Variants in CLASP1 observed in about 807,000 individuals in gnomAD.
CLASP1 encodes cytoplasmic linker associated protein 1.
A neutral mutation model predicts 192.3 loss-of-function variants in CLASP1; 38 were observed. The observed-to-expected ratio is 0.20, with a 90% confidence interval of 0.15 to 0.26. The LOEUF is 0.26. Among genes scored for constraint, CLASP1 ranks in the 10% least tolerant of loss-of-function variants. The pLI is 1.00. For missense variants in CLASP1, 1,433 were observed against 1,932.5 expected (o/e 0.74, Z 4.85); for synonymous variants, 691 against 712.8 (o/e 0.97, Z 0.49).
chr2:121,411,110 T>C, intron 23 of CLASP1, 141 bp from the exon 25 acceptor site: 1 of 594,158 alleles, frequency 1.7e-6, no homozygotes, highest in Non-Finnish European at 2.9e-6. Context: ...TTGACTTGTT[T>C]ACCAGTGGTA....
intron 39 of CLASP1, among the ~76,000 whole-genome samples, chr2:121,342,740 C>A (rs1169256250): frequency 6.6e-6 from 1 of 152,032 alleles, no homozygotes; most frequent in Non-Finnish European, 1.5e-5. Context: ...CAGTTCAAGA[C>A]CAGACTGGCA....
chr2:121,573,783 A>G (rs536410530), intron 2 of CLASP1, among the ~76,000 whole-genome samples: 1 of 152,328 alleles, frequency 6.6e-6, no homozygotes, highest in Admixed American at 6.5e-5. Flanking sequence ...ATTTTTCCTT[A>G]TAACTGCATG....
chr2:121,424,597 A>C (rs892378387), intron 22 of CLASP1, among the ~76,000 whole-genome samples: 1 of 152,224 alleles, frequency 6.6e-6, no homozygotes, highest in Non-Finnish European at 1.5e-5. Context: ...ATTACAAAGA[A>C]ACTAAGTAAC....
chr2:121,451,987 C>T, intron 14 of CLASP1, 138 bp from the exon 15 acceptor site: 3 of 675,544 alleles, frequency 4.4e-6, no homozygotes, highest in Non-Finnish European at 7.6e-6. Context: ...AAAAACAGAA[C>T]ATAAAGAATG....
chr2:121,446,264 T>C (rs2084327045), intron 19 of CLASP1, among the ~76,000 whole-genome samples: 1 of 152,260 alleles, frequency 6.6e-6, no homozygotes, highest in South Asian at 2.1e-4. Context: ...AACCTTTATA[T>C]AATTTCATTT....
At chr2:121,624,683 C>T (rs1446390595) in intron 1 of CLASP1, among the ~76,000 whole-genome samples, 2 of 152,234 alleles carry the variant, frequency 1.3e-5, no homozygotes, top group African/African-American at 2.4e-5. Flanking sequence ...TCCCAAACTG[C>T]TGGGATTACA....
chr2:121,497,407 G>A (rs1397097218), intron 8 of CLASP1, among the ~76,000 whole-genome samples: 1 of 152,124 alleles, frequency 6.6e-6, no homozygotes, highest in Non-Finnish European at 1.5e-5. Context: ...TATAAATTTG[G>A]TTTTAGATAC....
At chr2:121,531,190 C>T (rs1043677563) in intron 2 of CLASP1, among the ~76,000 whole-genome samples, 24 of 152,120 alleles carry the variant, frequency 1.6e-4, no homozygotes, top group Non-Finnish European at 3.5e-4. Flanking sequence ...ACCCCTTTAA[C>T]TTTACGCCGA....
At chr2:121,630,446 A>G (rs2069318906) in intron 1 of CLASP1, among the ~76,000 whole-genome samples, 1 of 151,138 alleles carries the variant, frequency 6.6e-6, no homozygotes, top group African/African-American at 2.4e-5. Flanking sequence ...TTATTCAGTA[A>G]ATCTTCTGTA....
chr2:121,431,589 CATT>C (rs1227510137), intron 19 of CLASP1, among the ~76,000 whole-genome samples: 1 of 152,110 alleles, frequency 6.6e-6, no homozygotes, highest in Admixed American at 6.5e-5. Context: ...TTCTTAAACT[CATT>C]ATAAAATATT....
chr2:121,531,222 C>T (rs765275994), intron 2 of CLASP1, among the ~76,000 whole-genome samples: 1 of 152,158 alleles, frequency 6.6e-6, no homozygotes, highest in African/African-American at 2.4e-5. Context: ...TCTGTAACTT[C>T]CTTATGCTGA....
chr2:121,464,457 C>T (rs1446837253), intron 9 of CLASP1, among the ~76,000 whole-genome samples: 2 of 152,114 alleles, frequency 1.3e-5, no homozygotes, highest in African/African-American at 2.4e-5. Context: ...TTTACAGTCC[C>T]ACCAACAGTG....
chr2:121,394,020 T>C (rs2074842980), intron 30 of CLASP1, among the ~76,000 whole-genome samples: 1 of 152,176 alleles, frequency 6.6e-6, no homozygotes, highest in African/African-American at 2.4e-5. Flanking sequence ...GGAAGCCTTC[T>C]GCCAACCCCC....
exon 40 of CLASP1, chr2:121,339,611 G>T (rs1309825025): frequency 6.6e-6 from 1 of 152,144 alleles, no homozygotes; most frequent in Non-Finnish European, 1.5e-5. Flanking sequence ...TAAAAAGGGG[G>T]CCTAGTGGTT....
intron 1 of CLASP1, among the ~76,000 whole-genome samples, chr2:121,620,117 G>A (rs2067088797): frequency 6.6e-6 from 1 of 151,664 alleles, no homozygotes; most frequent in Non-Finnish European, 1.5e-5. Flanking sequence ...AGCTACTGAG[G>A]AGGCTGAGGT....
At chr2:121,470,008 TATATACATATATA>T in intron 8 of CLASP1, 48 bp from the exon 9 acceptor site, 1 of 1,306,260 alleles carries the variant, frequency 7.7e-7, no homozygotes. Context: ...ACAAAAACTA[TATATACATATATA>T]TATACTTTTT....
intron 37 of CLASP1, among the ~76,000 whole-genome samples, chr2:121,357,047 C>T (rs761986208): frequency 1.3e-5 from 2 of 152,138 alleles, no homozygotes; most frequent in African/African-American, 2.4e-5. Flanking sequence ...ATTCTAATTC[C>T]GGTATCCATC....
chr2:121,559,061 G>A (rs2058837356), intron 2 of CLASP1, among the ~76,000 whole-genome samples: 1 of 152,196 alleles, frequency 6.6e-6, no homozygotes, highest in African/African-American at 2.4e-5. Flanking sequence ...AACTTTTAGA[G>A]CCACGGCACT....
At chr2:121,435,751 T>A (rs1002010011) in intron 19 of CLASP1, among the ~76,000 whole-genome samples, 3 of 152,184 alleles carry the variant, frequency 2.0e-5, no homozygotes, top group Admixed American at 1.3e-4. Flanking sequence ...TTTTAAGGGC[T>A]CCCTCCTTTT....
Sources: gnomAD v4.1 joint callset for allele counts (sites outside exome capture counted in the v4.1 genomes callset) on GRCh38, gnomAD v4.1.1 for gene constraint, MANE v1.5 for transcripts, NCBI Gene and HGNC (gene_info 2026-07-23, HGNC 2026-07-21) for gene names.